Variants in RTN1 observed in about 807,000 individuals in gnomAD.
RTN1 encodes reticulon-1.
Under a neutral mutation model 65.5 loss-of-function variants are expected in RTN1, and 25 were observed. The observed-to-expected ratio is 0.38, with a 90% CI of 0.28 to 0.53. RTN1 has a LOEUF of 0.53. RTN1 is among the 20% of genes least tolerant of loss of function. RTN1 has a pLI of 0.79. For missense variants in RTN1, 983 were observed against 1,025.4 expected, an observed-to-expected ratio of 0.96 and a Z score of 0.57; for synonymous variants, 471 against 447.6, an observed-to-expected ratio of 1.05 and a Z score of -0.66.
In RTN1 at chr14:59,868,020, T is replaced by C. The variant is rs1210175927; in HGVS notation, c.241+2370A>G. ...AAAAAGTAAATTAAGAAATACAGTG[T>C]AAAGTAGTGTGCTTAATAGGCATCT... On this transcript the variant is annotated intron_variant, in intron 1 of 8. Coordinates refer to ENST00000267484, the MANE Select transcript of RTN1 (RefSeq NM_021136.3). The surrounding 1 kb of genome is among the most constrained non-coding windows in gnomAD (Gnocchi z 4.0). Among the ~76,000 whole-genome samples, 1 of 152,202 alleles carries C rather than the reference T, an allele frequency of 6.6e-6. No individual in the cohort carries two copies. Among genetic ancestry groups the C allele is most frequent in the African/African-American group, 2.4e-5 (1 of 41,448 alleles).
At chr14:59,698,620 C>A (rs900678567) in intron 3 of RTN1, among the ~76,000 whole-genome samples, 3 of 152,128 alleles carry the variant, frequency 2.0e-5, no homozygotes, top group African/African-American at 7.2e-5. Flanking sequence ...CTGCTGCCAT[C>A]CATGTAAGAC....
intron 3 of RTN1, among the ~76,000 whole-genome samples, chr14:59,619,940 G>T (rs544292960): frequency 1.3e-5 from 2 of 152,270 alleles, no homozygotes; most frequent in African/African-American, 2.4e-5. Flanking sequence ...CTTATCGTAA[G>T]GGGCTGGGTG....
chr14:59,821,109 C>A (rs904465306), intron 1 of RTN1, among the ~76,000 whole-genome samples: 5 of 152,072 alleles, frequency 3.3e-5, no homozygotes, highest in African/African-American at 1.2e-4. Context: ...GGCAGTATAG[C>A]CATTTTAACA....
At chr14:59,736,545 C>T (rs1422343516) in intron 2 of RTN1, among the ~76,000 whole-genome samples, 2 of 152,080 alleles carry the variant, frequency 1.3e-5, no homozygotes, top group African/African-American at 2.4e-5. Context: ...AGCCTACCAA[C>T]CAAACAAAAG....
At chr14:59,664,656 T>C (rs904165559) in intron 3 of RTN1, among the ~76,000 whole-genome samples, 1 of 152,212 alleles carries the variant, frequency 6.6e-6, no homozygotes, top group African/African-American at 2.4e-5. Flanking sequence ...TGTTTTGACA[T>C]CTTCAGAGGC....
chr14:59,751,191 CTTTTTTTTTTTTT>C (rs34021179), intron 1 of RTN1, among the ~76,000 whole-genome samples: 1 of 90,796 alleles, frequency 1.1e-5, no homozygotes, highest in Non-Finnish European at 2.0e-5. Flanking sequence ...CTCATTATAC[CTTTTTTTTTTTTT>C]TTTTTTTTTT....
At chr14:59,706,293 T>A (rs944885900) in intron 3 of RTN1, among the ~76,000 whole-genome samples, 1 of 152,112 alleles carries the variant, frequency 6.6e-6, no homozygotes, top group African/African-American at 2.4e-5. Flanking sequence ...GCCACTAAAA[T>A]CCCCTAAAAA....
intron 3 of RTN1, among the ~76,000 whole-genome samples, chr14:59,653,276 A>G (rs899584067): frequency 6.6e-6 from 1 of 152,246 alleles, no homozygotes; most frequent in Non-Finnish European, 1.5e-5. Flanking sequence ...GCATGCTGAG[A>G]CAAATGCTGT....
At chr14:59,843,184 T>A (rs1887345847) in intron 1 of RTN1, among the ~76,000 whole-genome samples, 1 of 152,248 alleles carries the variant, frequency 6.6e-6, no homozygotes, top group Non-Finnish European at 1.5e-5. Flanking sequence ...ACATGAATGT[T>A]TAGCAAAGCA....
At chr14:59,845,393 AAC>A (rs1882743334) in intron 1 of RTN1, among the ~76,000 whole-genome samples, 1 of 152,152 alleles carries the variant, frequency 6.6e-6, no homozygotes. Context: ...CTGAGCCGGA[AAC>A]TTAAATAATT....
Position 59,790,342 on chromosome 14 carries a change from G to C in RTN1, c.242-43861C>G, listed in dbSNP as rs2139587198. On this transcript the variant is annotated intron_variant, in intron 1 of 8. Coordinates refer to ENST00000267484, the MANE Select transcript of RTN1 (RefSeq NM_021136.3). This position sits in a 1 kb window ranked among gnomAD's most constrained non-coding sequence, Gnocchi z 4.1. ...GAAATATGGCAACACATTGATAGCA[G>C]TAGTCATTTCTGAATGGTAGCAACA... 6.6e-6 allele frequency among the ~76,000 whole-genome samples: 1 copy of C among 152,132 alleles called. No individual in the cohort carries two copies. Among genetic ancestry groups the C allele is most frequent in the South Asian group, 2.1e-4 (1 of 4,824 alleles).
intron 1 of RTN1, among the ~76,000 whole-genome samples, chr14:59,772,994 A>G (rs1885987262): frequency 6.6e-6 from 1 of 152,162 alleles, no homozygotes; most frequent in African/African-American, 2.4e-5. Flanking sequence ...TGAGGTTCAA[A>G]TTATGCCTGG....
At chr14:59,731,328 G>C (rs1386687256) in intron 2 of RTN1, among the ~76,000 whole-genome samples, 1 of 152,154 alleles carries the variant, frequency 6.6e-6, no homozygotes, top group Non-Finnish European at 1.5e-5. Context: ...AAGAGTAGTA[G>C]TTATGGGGAG....
chr14:59,812,037 G>C (rs1482138063), intron 1 of RTN1, among the ~76,000 whole-genome samples: 1 of 152,124 alleles, frequency 6.6e-6, no homozygotes, highest in Non-Finnish European at 1.5e-5. Flanking sequence ...GTGCTATTCA[G>C]ACTGAGGTGT....
chr14:59,650,550 T>G (rs1352303750), intron 3 of RTN1, among the ~76,000 whole-genome samples: 1 of 152,158 alleles, frequency 6.6e-6, no homozygotes. Flanking sequence ...ATAAACAACT[T>G]CAGCAAAATC....
Position 59,815,011 on chromosome 14 carries a change from C to G in RTN1, c.241+55379G>C, listed in dbSNP as rs187100674. ...TATTGTTCACAACAGTGTGTTCAAG[C>G]TATTTTATATTGCTCAAGACTCACA... On this transcript the variant is annotated intron_variant, in intron 1 of 8. Coordinates refer to ENST00000267484, the MANE Select transcript of RTN1 (RefSeq NM_021136.3). Among the ~76,000 whole-genome samples the G allele has an allele frequency of 1.8e-4, 28 of 152,288 alleles. No homozygotes were observed. The East Asian group carries it at 5.2e-3, about 28-fold the overall frequency.
At chr14:59,865,854 C>G (rs897505652) in intron 1 of RTN1, among the ~76,000 whole-genome samples, 1 of 152,124 alleles carries the variant, frequency 6.6e-6, no homozygotes, top group South Asian at 2.1e-4. Context: ...ATCCAAAGAT[C>G]TTGATGTAAC....
At chr14:59,721,224 T>C (rs1884640546) in intron 3 of RTN1, among the ~76,000 whole-genome samples, 3 of 152,198 alleles carry the variant, frequency 2.0e-5, no homozygotes, top group Non-Finnish European at 4.4e-5. Flanking sequence ...GGTTTTCCCC[T>C]GCCACAAGGG....
intron 3 of RTN1, among the ~76,000 whole-genome samples, chr14:59,712,855 G>T (rs530248194): frequency 2.0e-5 from 3 of 148,622 alleles, no homozygotes; most frequent in Non-Finnish European, 4.4e-5. Flanking sequence ...AGGTTACAGT[G>T]AGCTGAAATC....
Sources: gnomAD v4.1 joint callset for allele counts (sites outside exome capture counted in the v4.1 genomes callset) on GRCh38, gnomAD v4.1.1 for gene constraint, Gnocchi (gnomAD v3.1) non-coding constraint, MANE v1.5 for transcripts, NCBI Gene and HGNC (gene_info 2026-07-23, HGNC 2026-07-21) for gene names.